Variants in CCDC192 observed in about 807,000 individuals in gnomAD.
CCDC192 encodes the protein coiled-coil domain-containing protein 192.
upstream of CCDC192, among the ~76,000 whole-genome samples, chr5:127,702,329 T>G (rs921052153): frequency 6.6e-6 from 1 of 152,196 alleles, no homozygotes; most frequent in Admixed American, 6.5e-5. Flanking sequence ...CCCAACAGGC[T>G]GCTAACTACA....
rs140011315 is a variant in CCDC192 at position 127,744,031 on chromosome 5, T to C, written c.115-10237T>C. Among the ~76,000 whole-genome samples the C allele has an allele frequency of 4.6e-3, 688 of 150,256 alleles. 5 individuals carry two copies. Among genetic ancestry groups the C allele is most frequent in the African/African-American group, 0.016 (659 of 40,738 alleles). ...ATGGCATGAACCCAGGAGGCAGAGCTTGCAGTGAGCCGAGGTTGCGCCACT... is the reference window on the plus strand; with the variant it reads ...ATGGCATGAACCCAGGAGGCAGAGCCTGCAGTGAGCCGAGGTTGCGCCACT... On this transcript the variant is annotated intron_variant, in intron 2 of 6. Coordinates refer to ENST00000514853, the MANE Select transcript of CCDC192 (RefSeq NM_001317938.2).
chr5:127,898,632 G>C (rs962340574), intron 6 of CCDC192, among the ~76,000 whole-genome samples: 1 of 152,144 alleles, frequency 6.6e-6, no homozygotes, highest in African/African-American at 2.4e-5. Flanking sequence ...GAACACAACA[G>C]AGCATGCAAG....
intron 5 of CCDC192, among the ~76,000 whole-genome samples, chr5:127,809,508 A>G (rs1757964840): frequency 6.6e-6 from 1 of 152,226 alleles, no homozygotes; most frequent in Non-Finnish European, 1.5e-5. Context: ...AATTTCATAT[A>G]GGGAATATTG....
rs1232886013 is a variant in CCDC192, at chr5:127,714,131, T to TG, written c.114+6372dup. Among the ~76,000 whole-genome samples the TG allele has an allele frequency of 5.9e-5, 9 of 152,322 alleles. 1 individual carries two copies. The South Asian group carries it at 1.7e-3, about 28-fold the overall frequency. ...GTCTGGCTTATTTCACTTATCATGA[T>TG]GTCCTCCAGGTCCACCTATGTTACT... On this transcript the variant is annotated intron_variant, in intron 2 of 6. Coordinates refer to ENST00000514853, the MANE Select transcript of CCDC192 (RefSeq NM_001317938.2).
At chr5:127,761,442 C>T (rs897717642) in intron 3 of CCDC192, among the ~76,000 whole-genome samples, 16 of 152,174 alleles carry the variant, frequency 1.1e-4, no homozygotes, top group South Asian at 4.1e-4. Flanking sequence ...TGGGACTACG[C>T]TTAAACTTAA....
intron 3 of CCDC192, among the ~76,000 whole-genome samples, chr5:127,787,443 G>A (rs916042022): frequency 4.6e-5 from 7 of 152,132 alleles, no homozygotes; most frequent in African/African-American, 1.7e-4. Flanking sequence ...GTCTTCATTT[G>A]TTTCTAAATA....
intron 3 of CCDC192, among the ~76,000 whole-genome samples, chr5:127,755,689 A>G (rs1047087124): frequency 1.3e-5 from 2 of 151,838 alleles, no homozygotes; most frequent in African/African-American, 4.8e-5. Context: ...GCAAAAAAAA[A>G]AAAAACTAAG....
intron 3 of CCDC192, among the ~76,000 whole-genome samples, chr5:127,783,687 T>C (rs1756375277): frequency 6.6e-6 from 1 of 152,222 alleles, no homozygotes; most frequent in African/African-American, 2.4e-5. Context: ...GTTGTTGTTG[T>C]TGACTTTCTG....
At chr5:127,816,493 C>T (rs1243101859) in intron 5 of CCDC192, among the ~76,000 whole-genome samples, 1 of 152,182 alleles carries the variant, frequency 6.6e-6, no homozygotes, top group Non-Finnish European at 1.5e-5. Flanking sequence ...GGCTAACTCT[C>T]ACTCTCCAGG....
At position 127,714,900 on chromosome 5, in the gene CCDC192, A is replaced by C. The variant is rs577599122; in HGVS notation, c.114+7140A>C. Among the ~76,000 whole-genome samples the C allele has an allele frequency of 1.0e-3, 159 of 152,086 alleles. 2 individuals carry two copies. The South Asian group carries it at 0.031, about 30-fold the overall frequency. Reference sequence around the variant, plus strand: ...TAGTGAAGTTGAGCATTTAAAAAATATACGTGTTAGCAATTTGTCTTTTGA... The same window carrying C: ...TAGTGAAGTTGAGCATTTAAAAAATCTACGTGTTAGCAATTTGTCTTTTGA... On this transcript the variant is annotated intron_variant, in intron 2 of 6. Coordinates refer to ENST00000514853, the MANE Select transcript of CCDC192 (RefSeq NM_001317938.2).
intron 3 of CCDC192, among the ~76,000 whole-genome samples, chr5:127,775,435 C>T (rs181393514): frequency 7.2e-5 from 11 of 152,182 alleles, no homozygotes; most frequent in African/African-American, 2.7e-4. Context: ...AGGGCTCTTG[C>T]CCATGTTTTC....
At position 127,738,085 on chromosome 5, in the gene CCDC192, T is replaced by C. The variant is rs1027696245; in HGVS notation, c.115-16183T>C. 7.2e-5 allele frequency among the ~76,000 whole-genome samples: 11 copies of C among 152,112 alleles called. 1 individual carries two copies. The highest frequency in any genetic ancestry group is 6.5e-4 in the Admixed American group (10 of 15,274). On this transcript the variant is annotated intron_variant, in intron 2 of 6. Coordinates refer to ENST00000514853, the MANE Select transcript of CCDC192 (RefSeq NM_001317938.2). ...AGCTGGTACCAGTTGTTCCTTTCCATGTTTAGTGCTTCTTTCAGGAGCTCT... is the reference window on the plus strand; with the variant it reads ...AGCTGGTACCAGTTGTTCCTTTCCACGTTTAGTGCTTCTTTCAGGAGCTCT...
intron 2 of CCDC192, among the ~76,000 whole-genome samples, chr5:127,750,864 T>A (rs1304354564): frequency 4.0e-5 from 6 of 151,668 alleles, no homozygotes; most frequent in African/African-American, 1.4e-4. Context: ...TTTACCATTA[T>A]GTAATGGCCT....
intron 2 of CCDC192, among the ~76,000 whole-genome samples, chr5:127,716,214 T>A (rs1751615204): frequency 6.6e-6 from 1 of 152,174 alleles, no homozygotes; most frequent in Non-Finnish European, 1.5e-5. Context: ...AATGTTGAAC[T>A]CTCCTTGTAT....
intron 6 of CCDC192, among the ~76,000 whole-genome samples, chr5:127,902,770 C>T (rs922851294): frequency 3.3e-5 from 5 of 152,192 alleles, no homozygotes; most frequent in Admixed American, 6.5e-5. Context: ...TTTTTATAAA[C>T]GATGACACCA....
intron 2 of CCDC192, among the ~76,000 whole-genome samples, chr5:127,715,580 C>T (rs541159513): frequency 5.9e-5 from 9 of 152,260 alleles, no homozygotes; most frequent in African/African-American, 1.9e-4. Flanking sequence ...TTTGTGGTTC[C>T]ATACCAATTT....
At chr5:127,802,798 G>A (rs1245554730) in intron 5 of CCDC192, among the ~76,000 whole-genome samples, 1 of 152,140 alleles carries the variant, frequency 6.6e-6, no homozygotes, top group East Asian at 1.9e-4. Context: ...GAAATGAATT[G>A]TTAAAGTGGC....
intron 2 of CCDC192, among the ~76,000 whole-genome samples, chr5:127,721,107 C>A (rs1251296988): frequency 1.3e-5 from 2 of 152,202 alleles, no homozygotes; most frequent in East Asian, 3.8e-4. Context: ...GAATTTCTCC[C>A]CGGAAAACGG....
chr5:127,909,147 G>A (rs1189879147), intron 6 of CCDC192, among the ~76,000 whole-genome samples: 1 of 152,108 alleles, frequency 6.6e-6, no homozygotes, highest in Non-Finnish European at 1.5e-5. Flanking sequence ...GTCTGTGAAG[G>A]CAGACACAAG....
Sources: allele counts gnomAD v4.1 joint callset (sites outside exome capture counted in the v4.1 genomes callset), GRCh38; gene constraint gnomAD v4.1.1; transcripts MANE v1.5; gene names NCBI Gene and HGNC (gene_info 2026-07-23, HGNC 2026-07-21).